GRIP2: variants seen among roughly 807,000 people sequenced by gnomAD.
GRIP2 encodes glutamate receptor interacting protein 2.
GRIP2 carries 58 observed loss-of-function variants against 108.3 expected under a neutral mutation model. The observed-to-expected ratio is 0.54, with a 90% confidence interval of 0.43 to 0.67. The LOEUF is 0.67. GRIP2 is among the 30% of genes least tolerant of loss of function. The probability of loss-of-function intolerance (pLI) is 0.00; values close to 1 mark genes in which losing one functional copy is unlikely to be tolerated. For synonymous variants in GRIP2, 586 were observed against 598.2 expected (o/e 0.98, Z 0.30); for missense variants, 1,278 against 1,430.6 (o/e 0.89, Z 1.72).
intron 4 of GRIP2, 167 bp downstream of exon 4, chr3:14,524,226 C>A (rs925734804): frequency 1.2e-5 from 8 of 678,510 alleles, no homozygotes; most frequent in Middle Eastern, 4.1e-4. Flanking sequence ...CAGCATACTG[C>A]GGTTGTAGGC....
upstream of GRIP2, among the ~76,000 whole-genome samples, chr3:14,560,272 A>C (rs991894986): frequency 1.1e-4 from 16 of 152,236 alleles, no homozygotes; most frequent in African/African-American, 3.4e-4. Flanking sequence ...CAGCAACAAC[A>C]AAACAAAAAC....
chr3:14,562,794 C>T, the GRIP2 span, among the ~76,000 whole-genome samples: 2 of 152,166 alleles, frequency 1.3e-5, no homozygotes, highest in South Asian at 2.1e-4. Context: ...AGTGGAACTA[C>T]GTGGCATTAC....
At chr3:14,573,015 C>T in the GRIP2 span, 3 of 1,448,002 alleles carry the variant, frequency 2.1e-6, no homozygotes, top group South Asian at 3.4e-5. Flanking sequence ...GATCAGGCAG[C>T]ATTTCCAGTA....
At position 14,505,123 on chromosome 3, in the gene GRIP2, C is replaced by T. The variant is rs1326198051; in HGVS notation, c.2573+492G>A. On this transcript the variant is annotated intron_variant, in intron 20 of 23. Coordinates refer to ENST00000621039, the MANE Select transcript of GRIP2 (RefSeq NM_001080423.4). This position sits in a 1 kb window ranked among gnomAD's most constrained non-coding sequence, Gnocchi z 4.2. Reference sequence around the variant, plus strand: ...GGAAAGGCATCGAGGCAGAAGGAACCGCCTGATCAAAAGCACCACGATGGG... The same window carrying T: ...GGAAAGGCATCGAGGCAGAAGGAACTGCCTGATCAAAAGCACCACGATGGG... 2.0e-5 allele frequency among the ~76,000 whole-genome samples: 3 copies of T among 152,122 alleles called. No individual in the cohort carries two copies. Among genetic ancestry groups the T allele is most frequent in the Non-Finnish European group, 1.5e-5 (1 of 68,018 alleles).
At chr3:14,542,015 G>C, upstream of GRIP2, 1 of 1,353,458 alleles carries the variant, frequency 7.4e-7, no homozygotes, top group Non-Finnish European at 9.8e-7. Context: ...TGCTCTAACA[G>C]ATCCTCACCC....
the GRIP2 span, among the ~76,000 whole-genome samples, chr3:14,580,604 G>A: frequency 6.6e-6 from 1 of 152,172 alleles, no homozygotes; most frequent in African/African-American, 2.4e-5. Context: ...GAGGCAGGAG[G>A]ATCACTTGAG....
At chr3:14,506,536 TCA>T (rs1459422878) in intron 19 of GRIP2, among the ~76,000 whole-genome samples, 3 of 152,200 alleles carry the variant, frequency 2.0e-5, no homozygotes, top group Non-Finnish European at 4.4e-5. Flanking sequence ...GTCCGTAACT[TCA>T]CAGTGGGGAA....
intron 21 of GRIP2, among the ~76,000 whole-genome samples, chr3:14,499,604 T>TC (rs918685856): frequency 2.0e-5 from 3 of 151,530 alleles, no homozygotes; most frequent in Admixed American, 6.6e-5. Context: ...ATGCCTGTAG[T>TC]CCCCAGCTAC....
At chr3:14,542,711 T>C (rs1259567081), upstream of GRIP2, among the ~76,000 whole-genome samples, 1 of 152,344 alleles carries the variant, frequency 6.6e-6, no homozygotes, top group East Asian at 1.9e-4. Flanking sequence ...GGAAACAGCA[T>C]CTCCCCTTTG....
At chr3:14,518,394 G>A (rs1268241919) in intron 9 of GRIP2, among the ~76,000 whole-genome samples, 1 of 152,204 alleles carries the variant, frequency 6.6e-6, no homozygotes, top group Non-Finnish European at 1.5e-5. Flanking sequence ...CTCCAGGACA[G>A]CCTTTGCTCC....
At position 14,522,937 on chromosome 3, in the gene GRIP2, C is replaced by G. The variant is rs1011489230; in HGVS notation, c.566+63G>C. On this transcript the variant is annotated intron_variant, in intron 6 of 23. Transcript: ENST00000621039. The surrounding 1 kb of genome is among the most constrained non-coding windows in gnomAD (Gnocchi z 4.3). ...AAGGGGCATGGTGACCCCACTCCAC[C>G]TTCTTCGCAGGGGAGTTGGGGCAGG... is the stretch of plus-strand genomic sequence containing the variant. The G allele has an allele frequency of 2.1e-5, 30 of 1,415,020 alleles. 1 individual carries two copies. Among genetic ancestry groups the G allele is most frequent in the Non-Finnish European group, 4.0e-6 (4 of 998,994 alleles). The allele number at this position is 1,415,020 out of a possible 1,614,324, so 87.7% of individuals were successfully genotyped here. A position where few individuals can be genotyped will look rare whatever the true frequency, so the allele number is the denominator to read the frequency against.
chr3:14,599,390 A>C, the GRIP2 span, among the ~76,000 whole-genome samples: 1 of 152,074 alleles, frequency 6.6e-6, no homozygotes, highest in Admixed American at 6.5e-5. Flanking sequence ...TGACCTTCTC[A>C]ACTGGGTCGC....
At chr3:14,556,692 G>A (rs1246246041), upstream of GRIP2, among the ~76,000 whole-genome samples, 9 of 152,232 alleles carry the variant, frequency 5.9e-5, no homozygotes, top group Admixed American at 3.3e-4. Context: ...ACTGCTGGTT[G>A]GGTGGAGTTT....
the GRIP2 span, among the ~76,000 whole-genome samples, chr3:14,589,319 G>A: frequency 6.6e-6 from 1 of 152,188 alleles, no homozygotes; most frequent in African/African-American, 2.4e-5. Flanking sequence ...TAAAAAGGGG[G>A]AAAGATGTAT....
the GRIP2 span, among the ~76,000 whole-genome samples, chr3:14,599,719 G>T: frequency 1.4e-5 from 2 of 146,804 alleles, no homozygotes; most frequent in East Asian, 3.9e-4. Context: ...GTGTTTGTGT[G>T]TGTGTGTGTG....
intron 22 of GRIP2, among the ~76,000 whole-genome samples, chr3:14,495,273 G>A (rs1403226075): frequency 6.6e-6 from 1 of 152,202 alleles, no homozygotes; most frequent in Non-Finnish European, 1.5e-5. Flanking sequence ...CTATCAGGGA[G>A]GAGGCCTGGC....
At chr3:14,537,892 G>T (rs1210355118) in intron 1 of GRIP2, among the ~76,000 whole-genome samples, 2 of 152,224 alleles carry the variant, frequency 1.3e-5, no homozygotes, top group African/African-American at 4.8e-5. Context: ...GTCAGAGCAG[G>T]CCTCCCGTCC....
chr3:14,527,558 T>C (rs1694595932), intron 1 of GRIP2, among the ~76,000 whole-genome samples: 1 of 152,100 alleles, frequency 6.6e-6, no homozygotes, highest in Admixed American at 6.5e-5. Flanking sequence ...TGTGTGTGTA[T>C]ATTAGTATAT....
At chr3:14,517,325 C>A in intron 10 of GRIP2, 112 bp from the exon 11 acceptor site, 1 of 1,099,204 alleles carries the variant, frequency 9.1e-7, no homozygotes, top group South Asian at 1.8e-5. Context: ...ATGCCTTCCC[C>A]CTTCACATCA....
Sources: allele counts gnomAD v4.1 joint callset (sites outside exome capture counted in the v4.1 genomes callset), GRCh38; gene constraint gnomAD v4.1.1; non-coding constraint Gnocchi (gnomAD v3.1); transcripts MANE v1.5; gene names NCBI Gene and HGNC (gene_info 2026-07-23, HGNC 2026-07-21).